The following ZFHX2 variants were observed in gnomAD, a reference collection of about 807,000 sequenced individuals.
ZFHX2 encodes the protein zinc finger homeobox 2, also known as zinc finger homeobox protein 2.
In ZFHX2, 75 loss-of-function variants were observed where a neutral mutation model predicts 164.8. The ratio of observed to expected loss-of-function variants is 0.46; its 90% confidence interval spans 0.38 to 0.55. The LOEUF is 0.55. Among genes scored for constraint, ZFHX2 ranks in the 20% least tolerant of loss-of-function variants. The probability of loss-of-function intolerance (pLI) is 0.00; values close to 1 mark genes in which losing one functional copy is unlikely to be tolerated. For missense variants in ZFHX2, 2,933 were observed against 3,308.0 expected (o/e 0.89, Z 2.78); for synonymous variants, 1,217 against 1,351.4 (o/e 0.90, Z 2.18).
chr14:23,532,386 T>C, intron 3 of ZFHX2, 181 bp downstream of exon 3: 1 of 692,870 alleles, frequency 1.4e-6, no homozygotes, highest in East Asian at 3.1e-5. Flanking sequence ...TACTATCCTT[T>C]GGTCTCTTTC....
chr14:23,544,602 T>A (rs1251602245), intron 1 of ZFHX2, among the ~76,000 whole-genome samples: 1 of 152,188 alleles, frequency 6.6e-6, no homozygotes, highest in African/African-American at 2.4e-5. Flanking sequence ...GGGTATCCTG[T>A]TCAGTGTGTT....
chr14:23,526,208 T>C lies in ZFHX2; in HGVS notation c.3734A>G (p.Asp1245Gly). The part of the protein sequence containing the change: ...GAPPTTTAAT[D>G]KPFKCTVCRV... Reference sequence around the variant, plus strand: ...GCAGACTGTGCACTTAAAGGGCTTGTCTGTGGCAGCAGTGGTGGTGGGTGG... The same window carrying C: ...GCAGACTGTGCACTTAAAGGGCTTGCCTGTGGCAGCAGTGGTGGTGGGTGG... The change falls in exon 9 of 10, where the codon GAC (aspartate) becomes GGC (glycine). Residue 1245 changes from aspartate (D) to glycine (G), a missense_variant. Asp to Gly is a moderately conservative substitution (Grantham distance 94). Coordinates refer to ENST00000419474, the MANE Select transcript of ZFHX2 (RefSeq NM_033400.3). The C allele has an allele frequency of 5.2e-6, 8 of 1,536,408 alleles. No individual in the cohort carries two copies. Among genetic ancestry groups the C allele is most frequent in the Non-Finnish European group, 7.0e-6 (8 of 1,146,902 alleles).
Position 23,534,466 on chromosome 14 carries a change from G to T in ZFHX2, c.860C>A (p.Ala287Asp). The T allele has an allele frequency of 6.5e-7, 1 of 1,536,302 alleles. No homozygotes were observed. Among genetic ancestry groups the T allele is most frequent in the African/African-American group, 1.4e-5 (1 of 73,142 alleles). The change falls in exon 2 of 10, where the codon GCC (alanine) becomes GAC (aspartate). Residue 287 changes from alanine to aspartate, a missense_variant. Transcript: ENST00000419474. This position sits in a 1 kb window ranked among gnomAD's most constrained non-coding sequence, Gnocchi z 4.5. ...VLQEGDEGCK[A>D]LISFLEPKLP... ...TTTTGGCTCCAGAAAGCTTATGAGG[G>T]CCTTGCAGCCTTCATCTCCCTCCTG...
chr14:23,550,230 G>C (rs1175807998), intron 1 of ZFHX2, among the ~76,000 whole-genome samples: 2 of 152,208 alleles, frequency 1.3e-5, no homozygotes, highest in African/African-American at 4.8e-5. Context: ...GGTGGAAGAG[G>C]AGGCTGTCCT....
chr14:23,545,792 T>G (rs541497016), intron 1 of ZFHX2, among the ~76,000 whole-genome samples: 7 of 152,130 alleles, frequency 4.6e-5, no homozygotes, highest in African/African-American at 1.7e-4. Context: ...TCTAGACCCA[T>G]GCCCATGGCC....
chr14:23,522,631 C>T lies in ZFHX2; in HGVS notation c.7050G>A (p.Leu2350=), dbSNP rs767115649. The change falls in exon 10 of 10, where the codon TTG becomes TTA. Residue 2350 remains leucine, a synonymous_variant. Coordinates refer to ENST00000419474, the MANE Select transcript of ZFHX2 (RefSeq NM_033400.3). ...GCGGTGCTGTTCCCCCAGCAGGGGG[C>T]AATGGAAAGGGCAGGAACTGGCCCC... ...LLGGQFLPFP[L]PPAGGTAPPA... 4.6e-6 allele frequency: 7 copies of T among 1,534,768 alleles called. No homozygotes were observed. The South Asian group carries it at 6.0e-5, about 13-fold the overall frequency.
At chr14:23,532,342 G>C (rs1879674776) in intron 3 of ZFHX2, 1 of 503,072 alleles carries the variant, frequency 2.0e-6, no homozygotes, top group South Asian at 5.8e-5. Context: ...AACACCAGAA[G>C]AGCTGAATAA....
At position 23,526,650 on chromosome 14, in the gene ZFHX2, G is replaced by C; in HGVS notation, c.3292C>G (p.Pro1098Ala). 1 of 1,535,992 alleles carries C rather than the reference G, an allele frequency of 6.5e-7. No homozygotes were observed. The highest frequency in any genetic ancestry group is 8.7e-7 in the Non-Finnish European group (1 of 1,146,898). ...AGGGGAGGCTCAGGAAGAGGATCTG[G>C]ACTGGCTTCTGGGGTCAGGTTAGGG... is the stretch of plus-strand genomic sequence containing the variant. Reference protein sequence around the residue: ...EGPNLTPEASPDPLPEPPLAS... With the variant: ...EGPNLTPEASADPLPEPPLAS... The change falls in exon 9 of 10, where the codon CCA becomes GCA. Residue 1098 changes from proline to alanine, a missense_variant. Pro to Ala is a conservative substitution (Grantham distance 27). Coordinates refer to ENST00000419474, the MANE Select transcript of ZFHX2 (RefSeq NM_033400.3).
intron 1 of ZFHX2, among the ~76,000 whole-genome samples, chr14:23,541,556 G>C (rs1365863868): frequency 6.6e-6 from 1 of 152,080 alleles, no homozygotes; most frequent in African/African-American, 2.4e-5. Context: ...CAAAGTGCTG[G>C]GATTACAGGC....
At chr14:23,530,357 C>T (rs1056145121) in intron 4 of ZFHX2, 163 bp from the exon 5 acceptor site, 8 of 706,514 alleles carry the variant, frequency 1.1e-5, no homozygotes, top group Admixed American at 2.0e-5. Flanking sequence ...GAAACACCCA[C>T]ACAGAAGATA....
At position 23,521,871 on chromosome 14, in the gene ZFHX2, G is replaced by C; in HGVS notation, c.*91C>G. 1 of 1,502,368 alleles carries C rather than the reference G, an allele frequency of 6.7e-7. No individual in the cohort carries two copies. Among genetic ancestry groups the C allele is most frequent in the Non-Finnish European group, 8.8e-7 (1 of 1,131,152 alleles). 93.1% of individuals were successfully genotyped at this position (1,502,368 alleles called of 1,614,324 possible). On this transcript the variant is annotated 3_prime_UTR_variant, in exon 10 of 10. Transcript: ENST00000419474. ...TGTGAGGTGGGCGGGGCCAGGGGGT[G>C]GGGTGAGGGATTTGAGCTCCCACCG...
Position 23,524,726 on chromosome 14 carries a change from G to A in ZFHX2, c.5216C>T (p.Pro1739Leu), listed in dbSNP as rs1362090073. The A allele has an allele frequency of 7.8e-6, 12 of 1,536,188 alleles. No individual in the cohort carries two copies. The South Asian group carries it at 8.3e-5, about 11-fold the overall frequency. The change falls in exon 9 of 10, where the codon CCA becomes CTA. Residue 1739 changes from proline to leucine, a missense_variant. Physicochemically the swap from Pro to Leu is moderately conservative, Grantham distance 98 (BLOSUM62 -3). Coordinates refer to ENST00000419474, the MANE Select transcript of ZFHX2 (RefSeq NM_033400.3). This position sits in a 1 kb window ranked among gnomAD's most constrained non-coding sequence, Gnocchi z 5.6. ...TGCTTGGCTCAGCTCCTCCCCATCTGGAGGCTCTGGTAATGGGCCCTCAGG... is the reference window on the plus strand; with the variant it reads ...TGCTTGGCTCAGCTCCTCCCCATCTAGAGGCTCTGGTAATGGGCCCTCAGG... ...AGPEGPLPEP[P>L]DGEELSQAEA...
chr14:23,532,598 G>T lies in ZFHX2; in HGVS notation c.2528C>A (p.Ala843Glu). Reference sequence around the variant, plus strand: ...GATTTGGCTGTTTTCTTCGTGGGCTGCACCCCTGGCATGCAGCTGCATCTT... The same window carrying T: ...GATTTGGCTGTTTTCTTCGTGGGCTTCACCCCTGGCATGCAGCTGCATCTT... ...KEKMQLHARG[A>E]AHEENSQIYK... The change falls in exon 3 of 10, where the codon GCA (alanine) becomes GAA (glutamate). Residue 843 changes from alanine to glutamate, a missense_variant. Physicochemically the swap from Ala to Glu is moderately radical, Grantham distance 107. Coordinates refer to ENST00000419474, the MANE Select transcript of ZFHX2 (RefSeq NM_033400.3). The T allele has an allele frequency of 6.9e-7, 1 of 1,447,288 alleles. No homozygotes were observed. Among genetic ancestry groups the T allele is most frequent in the South Asian group, 1.4e-5 (1 of 69,044 alleles). 89.7% of individuals were successfully genotyped at this position (1,447,288 alleles called of 1,614,324 possible).
Position 23,526,325 on chromosome 14 carries a change from A to G in ZFHX2, c.3617T>C (p.Leu1206Pro). The change falls in exon 9 of 10, where the codon CTG (leucine) becomes CCG (proline). Residue 1206 changes from leucine to proline, a missense_variant. Transcript: ENST00000419474. ...GGAGACAGAATTATAATGAACCAAC[A>G]GAATATTCTTCTGGGTGAAGGACTC... ...CKESFTQKNI[L>P]LVHYNSVSHL... 6.5e-7 allele frequency: 1 copy of G among 1,536,290 alleles called. No individual in the cohort carries two copies. The highest frequency in any genetic ancestry group is 2.4e-5 in the East Asian group (1 of 40,890).
chr14:23,520,870 C>G lies in ZFHX2; in HGVS notation c.*1092G>C, dbSNP rs1877862212. Reference sequence around the variant, plus strand: ...AAAACACTTGTCTGATGGGAGTTTTCTTCCTTTTTTTTTTTTTCTGTATTT... The same window carrying G: ...AAAACACTTGTCTGATGGGAGTTTTGTTCCTTTTTTTTTTTTTCTGTATTT... On this transcript the variant is annotated 3_prime_UTR_variant, in exon 10 of 10. Coordinates refer to ENST00000419474, the MANE Select transcript of ZFHX2 (RefSeq NM_033400.3). The surrounding 1 kb of genome is among the most constrained non-coding windows in gnomAD (Gnocchi z 8.7). 7.0e-6 allele frequency: 1 copy of G among 143,198 alleles called. No homozygotes were observed. Among genetic ancestry groups the G allele is most frequent in the African/African-American group, 3.0e-5 (1 of 33,644 alleles). The allele number at this position is 143,198 out of a possible 1,614,324, so 8.9% of individuals were successfully genotyped here. A position where few individuals can be genotyped will look rare whatever the true frequency, so the allele number is the denominator to read the frequency against.
chr14:23,530,178 G>A lies in ZFHX2; in HGVS notation c.2817C>T (p.Thr939=), dbSNP rs1595153620. ...CAGGGGTGGGTGGCTCAGCTAAGGG[G>A]GTGACAGGAGCCTTCCCTGTGTAGG... ...QLRTPGKAPV[T]PLAEPPTPEK... is the part of the protein sequence containing the mutation. Residue 939 remains threonine, a synonymous_variant, in exon 5 of 10, where the codon ACC becomes ACT. Transcript: ENST00000419474. 6.5e-7 allele frequency: 1 copy of A among 1,535,750 alleles called. No homozygotes were observed. Among genetic ancestry groups the A allele is most frequent in the Non-Finnish European group, 8.7e-7 (1 of 1,146,588 alleles).
Position 23,524,536 on chromosome 14 carries a change from G to C in ZFHX2, c.5406C>G (p.Pro1802=), listed in dbSNP as rs61734117. 530 of 1,527,254 alleles carry C rather than the reference G, an allele frequency of 3.5e-4. 3 individuals carry two copies. The Admixed American group carries it at 7.5e-3, about 22-fold the overall frequency. The allele number at this position is 1,527,254 out of a possible 1,614,324, so 94.6% of individuals were successfully genotyped here. A position where few individuals can be genotyped will look rare whatever the true frequency, so the allele number is the denominator to read the frequency against. The change falls in exon 9 of 10, where the codon CCC becomes CCG. Residue 1802 remains proline (P), a synonymous_variant. Coordinates refer to ENST00000419474, the MANE Select transcript of ZFHX2 (RefSeq NM_033400.3). The surrounding 1 kb of genome is among the most constrained non-coding windows in gnomAD (Gnocchi z 5.6). ...FLPSLQPSAP[P]QLLDLPLLVF... is the part of the protein sequence containing the mutation. ...CCAGCAAGGGCAGATCTAGGAGTTG[G>C]GGGGGAGCACTGGGCTGCAGAGATG...
chr14:23,525,672 G>C lies in ZFHX2; in HGVS notation c.4270C>G (p.Pro1424Ala). Residue 1424 changes from proline (P) to alanine (A), a missense_variant, in exon 9 of 10, where the codon CCT becomes GCT. By Grantham distance (27) the Pro-to-Ala change is conservative. Transcript: ENST00000419474. This position sits in a 1 kb window ranked among gnomAD's most constrained non-coding sequence, Gnocchi z 5.9. ...PMAKEGNEAG[P>A]SSPPDPLPNE... ...GGCAATGGGTCGGGGGGTGAGGAAGGCCCTGCCTCATTACCCTCTTTGGCC... is the reference window on the plus strand; with the variant it reads ...GGCAATGGGTCGGGGGGTGAGGAAGCCCCTGCCTCATTACCCTCTTTGGCC... The C allele has an allele frequency of 6.5e-7, 1 of 1,534,214 alleles. No homozygotes were observed. The highest frequency in any genetic ancestry group is 2.4e-5 in the East Asian group (1 of 40,856).
chr14:23,535,118 G>A lies in ZFHX2; in HGVS notation c.208C>T (p.Pro70Ser), dbSNP rs1404085965. The change falls in exon 2 of 10, where the codon CCA becomes TCA. Residue 70 changes from proline to serine, a missense_variant. Transcript: ENST00000419474. The surrounding 1 kb of genome is among the most constrained non-coding windows in gnomAD (Gnocchi z 4.5). The stretch of plus-strand genomic sequence containing the variant: ...TCCTGGGGCTCCCCAATCTCCTTTG[G>A]TGGGACGAGGCCACAGCCCGACTCC... ...LLESGCGLVP[P>S]KEIGEPQEGP... The A allele has an allele frequency of 2.0e-6, 3 of 1,536,066 alleles. No individual in the cohort carries two copies. Among genetic ancestry groups the A allele is most frequent in the Non-Finnish European group, 2.6e-6 (3 of 1,146,916 alleles).
Sources: allele counts gnomAD v4.1 joint callset (sites outside exome capture counted in the v4.1 genomes callset), GRCh38; gene constraint gnomAD v4.1.1; non-coding constraint Gnocchi (gnomAD v3.1); transcripts MANE v1.5; gene names NCBI Gene and HGNC (gene_info 2026-07-23, HGNC 2026-07-21).